Variants in CCDC3 observed in about 807,000 individuals in gnomAD.
CCDC3 encodes the protein coiled-coil domain-containing protein 3.
A neutral mutation model predicts 21.4 loss-of-function variants in CCDC3; 24 were observed. The ratio of observed to expected loss-of-function variants is 1.12; its 90% CI spans 0.81 to 1.58. The LOEUF (loss-of-function observed/expected upper bound fraction) is 1.58. Ranked by LOEUF, CCDC3 falls within the 40% of genes most tolerant of loss-of-function variation. The pLI is 0.00. For missense variants in CCDC3, 425 were observed against 360.9 expected (o/e 1.18, Z -1.44); for synonymous variants, 186 against 166.0 (o/e 1.12, Z -0.93).
At chr10:13,040,607 T>G (rs1836440664) in intron 5 of CCDC3, among the ~76,000 whole-genome samples, 3 of 151,712 alleles carry the variant, frequency 2.0e-5, no homozygotes, top group Non-Finnish European at 4.4e-5. Context: ...GGAGAATCGC[T>G]TGAACCTGGG....
chr10:13,039,355 G>A (rs541765976), intron 5 of CCDC3, among the ~76,000 whole-genome samples: 17 of 152,058 alleles, frequency 1.1e-4, no homozygotes, highest in South Asian at 1.0e-3. Context: ...CCTGGGAGGC[G>A]GAGGTTTCAG....
At chr10:13,025,180 T>C (rs1589043563) in intron 5 of CCDC3, among the ~76,000 whole-genome samples, 1 of 152,344 alleles carries the variant, frequency 6.6e-6, no homozygotes, top group African/African-American at 2.4e-5. Flanking sequence ...GCCTCATTTA[T>C]ATGGCTGTAA....
In CCDC3 at chr10:13,001,661, G is replaced by C. The variant is rs548817220; in HGVS notation, c.-91C>G. On this transcript the variant is annotated 5_prime_UTR_variant, in exon 1 of 3. Coordinates refer to ENST00000378825, the MANE Select transcript of CCDC3 (RefSeq NM_031455.4). ...GGCAGCCCTGGGCGCTCGGCTGCTC[G>C]GGCCGCTCCCGGGAGCTGAGCGCAC... 1 of 884,510 alleles carries C rather than the reference G, an allele frequency of 1.1e-6. No individual in the cohort carries two copies. The highest frequency in any genetic ancestry group is 1.4e-6 in the Non-Finnish European group (1 of 726,474). The allele number at this position is 884,510 out of a possible 1,614,324, so 54.8% of individuals were successfully genotyped here. A position where few individuals can be genotyped will look rare whatever the true frequency, so the allele number is the denominator to read the frequency against.
intron 5 of CCDC3, among the ~76,000 whole-genome samples, chr10:13,020,291 T>G (rs984214740): frequency 6.6e-6 from 1 of 152,214 alleles, no homozygotes; most frequent in Non-Finnish European, 1.5e-5. Flanking sequence ...TTTTTCTAAC[T>G]CATTCCCATG....
chr10:13,003,580 G>T (rs1404754321), upstream of CCDC3, among the ~76,000 whole-genome samples: 1 of 152,184 alleles, frequency 6.6e-6, no homozygotes, highest in East Asian at 1.9e-4. Context: ...GTGTGCAACT[G>T]ACCTAACATT....
intron 2 of CCDC3, among the ~76,000 whole-genome samples, chr10:12,921,211 G>T (rs1238652544): frequency 6.6e-6 from 1 of 152,184 alleles, no homozygotes; most frequent in African/African-American, 2.4e-5. Context: ...AATTAAGGAG[G>T]CAATTGAGGA....
At chr10:12,927,566 C>G (rs1011222598) in intron 2 of CCDC3, among the ~76,000 whole-genome samples, 1 of 151,108 alleles carries the variant, frequency 6.6e-6, no homozygotes, top group African/African-American at 2.4e-5. Flanking sequence ...GAAACTGGTT[C>G]ATTTATGCTA....
At chr10:13,091,909 A>G (rs564577973) in intron 3 of CCDC3, among the ~76,000 whole-genome samples, 80 of 152,262 alleles carry the variant, frequency 5.3e-4, no homozygotes, top group African/African-American at 1.9e-3. Context: ...ATTAGAAATA[A>G]TCCTAAATGC....
Position 13,001,288 on chromosome 10 carries a change from C to T in CCDC3, c.283G>A (p.Ala95Thr), listed in dbSNP as rs1346955427. The T allele has an allele frequency of 1.9e-6, 3 of 1,604,896 alleles. No individual in the cohort carries two copies. The highest frequency in any genetic ancestry group is 4.5e-5 in the East Asian group (2 of 44,562). The change falls in exon 1 of 3, where the codon GCC becomes ACC. Residue 95 changes from alanine to threonine, a missense_variant. By Grantham distance (58) the Ala-to-Thr change is moderately conservative. Transcript: ENST00000378825. ...CCGGTGAGGTTGAGCCTGGAGCCGG[C>T]GGGCACCTCCAGCATGCTGCCCCAC... ...QAWGSMLEVP[A>T]GSRLNLTGLG...
At chr10:12,929,068 C>T (rs750808983) in intron 2 of CCDC3, among the ~76,000 whole-genome samples, 36 of 152,016 alleles carry the variant, frequency 2.4e-4, no homozygotes, top group Non-Finnish European at 2.1e-4. Context: ...TCAAGACCAT[C>T]CTGGCCAAGA....
At chr10:13,025,100 G>A (rs1043154871) in intron 5 of CCDC3, among the ~76,000 whole-genome samples, 9 of 152,150 alleles carry the variant, frequency 5.9e-5, no homozygotes, top group African/African-American at 2.2e-4. Flanking sequence ...AATTCTGTGG[G>A]TTGACCAGGG....
upstream of CCDC3, among the ~76,000 whole-genome samples, chr10:13,005,874 C>G (rs1318873921): frequency 2.6e-5 from 4 of 152,160 alleles, no homozygotes; most frequent in Non-Finnish European, 5.9e-5. Flanking sequence ...GGCATATGTT[C>G]CCTCCTAAAT....
At chr10:12,953,359 G>A (rs1376523363) in intron 2 of CCDC3, among the ~76,000 whole-genome samples, 1 of 152,122 alleles carries the variant, frequency 6.6e-6, no homozygotes, top group Non-Finnish European at 1.5e-5. Context: ...AGATTTGGGT[G>A]GGGACACAGC....
chr10:12,976,400 C>A (rs1835418212), intron 2 of CCDC3, among the ~76,000 whole-genome samples: 2 of 152,224 alleles, frequency 1.3e-5, no homozygotes, highest in African/African-American at 4.8e-5. Flanking sequence ...TAATTTCCAA[C>A]AGCATCTGGT....
At chr10:12,961,934 G>A (rs1027793760) in intron 2 of CCDC3, among the ~76,000 whole-genome samples, 2 of 152,130 alleles carry the variant, frequency 1.3e-5, no homozygotes, top group Non-Finnish European at 2.9e-5. Context: ...CCTCTGATAA[G>A]GAATAAAGGA....
chr10:12,982,091 T>A (rs1464447269), intron 2 of CCDC3, among the ~76,000 whole-genome samples: 1 of 116,524 alleles, frequency 8.6e-6, no homozygotes, highest in African/African-American at 3.4e-5. Context: ...CACTGCACTC[T>A]AGCCTGGGAG....
rs1836567699 is a variant in CCDC3, at chr10:13,048,899, T to C, written c.-2+775A>G. Among the ~76,000 whole-genome samples the C allele has an allele frequency of 3.9e-5, 6 of 152,326 alleles. No individual in the cohort carries two copies. The South Asian group carries it at 1.2e-3, about 32-fold the overall frequency. On this transcript the variant is annotated intron_variant, in intron 5 of 6. Coordinates refer to the CCDC3 transcript ENST00000378839. Reference sequence around the variant, plus strand: ...ATCATACCTAGAGCCACGTGGTCTTTTTTTTAATCATCTGGCTTATATTTT... The same window carrying C: ...ATCATACCTAGAGCCACGTGGTCTTCTTTTTAATCATCTGGCTTATATTTT...
intron 2 of CCDC3, among the ~76,000 whole-genome samples, chr10:12,929,988 AT>A (rs1448708004): frequency 2.0e-5 from 3 of 152,156 alleles, no homozygotes; most frequent in Admixed American, 6.6e-5. Context: ...GGCCATTGAA[AT>A]TTTTTTATGA....
At position 13,024,315 on chromosome 10, in the gene CCDC3, G is replaced by A. The variant is rs918079940; in HGVS notation, c.-2+25359C>T. Among the ~76,000 whole-genome samples the A allele has an allele frequency of 6.6e-5, 10 of 151,966 alleles. 1 individual carries two copies. Among genetic ancestry groups the A allele is most frequent in the Admixed American group, 2.6e-4 (4 of 15,244 alleles). ...ACTGTAATCTCCATTAGAGAAAAGTGCACTAACAGATCTCTTCAAGGCAGT... is the reference window on the plus strand; with the variant it reads ...ACTGTAATCTCCATTAGAGAAAAGTACACTAACAGATCTCTTCAAGGCAGT... On this transcript the variant is annotated intron_variant, in intron 5 of 6. Transcript: ENST00000378839.
Sources: gnomAD v4.1 joint callset for allele counts (sites outside exome capture counted in the v4.1 genomes callset) on GRCh38, gnomAD v4.1.1 for gene constraint, MANE v1.5 for transcripts, NCBI Gene and HGNC (gene_info 2026-07-23, HGNC 2026-07-21) for gene names.